Variants in PREX1 observed in about 807,000 individuals in gnomAD.
PREX1 encodes the protein phosphatidylinositol-3,4,5-trisphosphate dependent Rac exchange factor 1.
In PREX1, 41 loss-of-function variants were observed where a neutral mutation model predicts 198.3. That is an observed-to-expected ratio of 0.21 (90% CI 0.16 to 0.27). PREX1 has a LOEUF of 0.27. Among genes scored for constraint, PREX1 ranks in the 10% least tolerant of loss-of-function variants. PREX1 has a pLI of 1.00. For missense variants in PREX1, 1,620 were observed against 2,200.7 expected, an observed-to-expected ratio of 0.74 and a Z score of 5.28; for synonymous variants, 843 against 887.2, an observed-to-expected ratio of 0.95 and a Z score of 0.89.
intron 5 of PREX1, among the ~76,000 whole-genome samples, chr20:48,724,812 C>T (rs764929718): frequency 6.6e-6 from 1 of 152,260 alleles, no homozygotes; most frequent in Non-Finnish European, 1.5e-5. Context: ...AGCACATCTG[C>T]AGGCCCGATT....
At position 48,685,480 on chromosome 20, in the gene PREX1, AG is replaced by A. The variant is rs1174556157; in HGVS notation, c.1334+3176del. ...GTGTTCTCTCACTGTATCCTCCGACAGTCCTCAGAGGCACATTTTATTATCT... is the reference window on the plus strand; with the variant it reads ...GTGTTCTCTCACTGTATCCTCCGACATCCTCAGAGGCACATTTTATTATCT... On this transcript the variant is annotated intron_variant, in intron 10 of 39. Transcript: ENST00000371941. 7.2e-5 allele frequency among the ~76,000 whole-genome samples: 11 copies of A among 152,338 alleles called. No homozygotes were observed. The East Asian group carries it at 1.9e-3, about 27-fold the overall frequency.
intron 29 of PREX1, among the ~76,000 whole-genome samples, chr20:48,641,846 GGAAGGAAGGAAGGA>G (rs2089414339): frequency 1.9e-3 from 34 of 17,816 alleles, no homozygotes; most frequent in Admixed American, 6.4e-3. Flanking sequence ...GAGAGAGGAA[GGAAGGAAGGAAGGA>G]AGGAAGGAAG....
At chr20:48,832,430 T>C (rs1482745900), upstream of PREX1, among the ~76,000 whole-genome samples, 1 of 152,188 alleles carries the variant, frequency 6.6e-6, no homozygotes, top group Non-Finnish European at 1.5e-5. Flanking sequence ...GTGATTTTCT[T>C]TCCCATCCCA....
chr20:48,629,486 C>A lies in PREX1; in HGVS notation c.4729G>T (p.Ala1577Ser), dbSNP rs1344577513. ...ISSELCYRLG[A>S]CQMVMCGTGM... ...GTGCCACACATGACCATCTGGCAGG[C>A]CCCCAGGCGGTAGCAGAGCTCCGAG... The change falls in exon 37 of 40, where the codon GCC becomes TCC. Residue 1577 changes from alanine to serine, a missense_variant. By Grantham distance (99) the Ala-to-Ser change is moderately conservative. This residue lies in a region of PREX1 where 476 missense variants were observed against 603.4 expected (regional missense o/e 0.79). Transcript: ENST00000371941. 6.2e-7 allele frequency: 1 copy of A among 1,613,948 alleles called. No homozygotes were observed. Among genetic ancestry groups the A allele is most frequent in the East Asian group, 2.2e-5 (1 of 44,886 alleles).
chr20:48,654,277 G>C (rs1274069959), intron 19 of PREX1, among the ~76,000 whole-genome samples: 1 of 152,252 alleles, frequency 6.6e-6, no homozygotes, highest in South Asian at 2.1e-4. Context: ...CCTGGCACTC[G>C]GTAAGTGCTC....
At chr20:48,697,398 T>A (rs1204931102) in intron 7 of PREX1, among the ~76,000 whole-genome samples, 1 of 134,982 alleles carries the variant, frequency 7.4e-6, no homozygotes, top group African/African-American at 2.9e-5. Context: ...TTTTTTTTTT[T>A]GAGACAGAGT....
the PREX1 span, among the ~76,000 whole-genome samples, chr20:48,873,529 T>G: frequency 7.8e-6 from 1 of 128,974 alleles, no homozygotes; most frequent in Non-Finnish European, 1.6e-5. Context: ...GCCAACATGG[T>G]GAAACCCAGT....
intron 33 of PREX1, among the ~76,000 whole-genome samples, chr20:48,632,984 C>T (rs908716844): frequency 6.6e-6 from 1 of 152,226 alleles, no homozygotes; most frequent in Non-Finnish European, 1.5e-5. Flanking sequence ...CAGAGCTTCC[C>T]CAGCGCTCCT....
intron 33 of PREX1, among the ~76,000 whole-genome samples, chr20:48,633,510 C>T (rs1187530492): frequency 2.6e-5 from 4 of 152,176 alleles, no homozygotes; most frequent in African/African-American, 9.7e-5. Context: ...TAATCCAGTG[C>T]CTGGTTCCTA....
At chr20:48,778,300 A>G (rs183036269) in intron 1 of PREX1, among the ~76,000 whole-genome samples, 27 of 152,274 alleles carry the variant, frequency 1.8e-4, no homozygotes, top group East Asian at 3.9e-4. Flanking sequence ...ATGGCCAGGC[A>G]CAGTGGCTCA....
At position 48,776,536 on chromosome 20, in the gene PREX1, T is replaced by A. The variant is rs137937414; in HGVS notation, c.220-28656A>T. Among the ~76,000 whole-genome samples the A allele has an allele frequency of 4.6e-3, 695 of 151,968 alleles. 6 individuals are homozygous for A. Among genetic ancestry groups the A allele is most frequent in the African/African-American group, 0.016 (653 of 41,438 alleles). On this transcript the variant is annotated intron_variant, in intron 1 of 39. Coordinates refer to ENST00000371941, the MANE Select transcript of PREX1 (RefSeq NM_020820.4). The stretch of plus-strand genomic sequence containing the variant: ...CCACGGGGCGGGGCTGGGGACAGAG[T>A]TTCTCAGGCTCCTTTCTAAAGCACA...
chr20:48,765,474 C>A (rs935929866), intron 1 of PREX1, among the ~76,000 whole-genome samples: 1 of 152,168 alleles, frequency 6.6e-6, no homozygotes, highest in African/African-American at 2.4e-5. Context: ...CTAGATAATG[C>A]CTGCATTTCC....
intron 1 of PREX1, among the ~76,000 whole-genome samples, chr20:48,777,009 G>A (rs2090265538): frequency 6.6e-6 from 1 of 152,118 alleles, no homozygotes; most frequent in African/African-American, 2.4e-5. Flanking sequence ...GGTTTCTCCC[G>A]CCCCTTGGTC....
At chr20:48,669,256 G>T (rs558856559) in intron 14 of PREX1, among the ~76,000 whole-genome samples, 1 of 152,054 alleles carries the variant, frequency 6.6e-6, no homozygotes, top group South Asian at 2.1e-4. Context: ...CAGGTCTCAG[G>T]GCCGTACCAC....
intron 1 of PREX1, among the ~76,000 whole-genome samples, chr20:48,772,126 G>A (rs759890157): frequency 6.6e-6 from 1 of 152,162 alleles, no homozygotes; most frequent in Non-Finnish European, 1.5e-5. Flanking sequence ...CCTGGGAGGC[G>A]GAGGTTGCTG....
chr20:48,844,714 C>T, the PREX1 span, among the ~76,000 whole-genome samples: 3 of 152,172 alleles, frequency 2.0e-5, no homozygotes, highest in Admixed American at 2.0e-4. Context: ...TGGAAAGATG[C>T]AAGGAACCTG....
At chr20:48,774,084 G>A (rs1326983706) in intron 1 of PREX1, among the ~76,000 whole-genome samples, 1 of 152,176 alleles carries the variant, frequency 6.6e-6, no homozygotes, top group African/African-American at 2.4e-5. Context: ...AAGGATGAAG[G>A]CCACTTTTAT....
At chr20:48,864,941 A>G in the PREX1 span, among the ~76,000 whole-genome samples, 1 of 152,232 alleles carries the variant, frequency 6.6e-6, no homozygotes, top group South Asian at 2.1e-4. Context: ...TCTTCAGAGG[A>G]GCAGGCTGAC....
intron 24 of PREX1, 71 bp downstream of exon 24, chr20:48,649,925 C>T (rs1240437990): frequency 7.7e-6 from 12 of 1,549,838 alleles, no homozygotes; most frequent in Non-Finnish European, 8.9e-6. Context: ...GGCTGACCTT[C>T]AGACAAGTTT....
Sources: allele counts gnomAD v4.1 joint callset (sites outside exome capture counted in the v4.1 genomes callset), GRCh38; gene constraint gnomAD v4.1.1; regional missense constraint gnomAD v4.1.1; transcripts MANE v1.5; gene names NCBI Gene and HGNC (gene_info 2026-07-23, HGNC 2026-07-21).